The following CD36 variants were observed in gnomAD, a reference collection of about 807,000 sequenced individuals.
CD36 encodes the protein platelet glycoprotein 4.
Under a neutral mutation model 55.2 loss-of-function variants are expected in CD36, and 119 were observed. The observed-to-expected ratio is 2.15, with a 90% CI of 1.86 to 2.51. CD36 has a LOEUF of 2.51. Ranked by LOEUF, CD36 falls within the 30% of genes most tolerant of loss-of-function variation. The pLI is 0.00. For missense variants in CD36, 819 were observed against 555.5 expected, an observed-to-expected ratio of 1.47 and a Z score of -4.77; for synonymous variants, 186 against 193.6, an observed-to-expected ratio of 0.96 and a Z score of 0.33.
At chr7:80,672,106 A>G in intron 11 of CD36, 66 bp downstream of exon 11, 1 of 1,235,972 alleles carries the variant, frequency 8.1e-7, no homozygotes, top group South Asian at 1.3e-5. Context: ...AATAAAAATA[A>G]TCTTGTCGAT....
intron 1 of CD36, among the ~76,000 whole-genome samples, chr7:80,603,155 G>T (rs12531218): frequency 1.3e-5 from 2 of 151,964 alleles, no homozygotes; most frequent in Middle Eastern, 3.2e-3. Flanking sequence ...AGACAACACC[G>T]CCAGGAATGA....
chr7:80,605,770 T>A (rs973426237), intron 1 of CD36, among the ~76,000 whole-genome samples: 1 of 152,168 alleles, frequency 6.6e-6, no homozygotes, highest in Non-Finnish European at 1.5e-5. Flanking sequence ...TTTATCTTGG[T>A]CTCCTGGGAA....
At chr7:80,658,857 T>G (rs995560700) in intron 4 of CD36, among the ~76,000 whole-genome samples, 2 of 152,198 alleles carry the variant, frequency 1.3e-5, no homozygotes, top group African/African-American at 4.8e-5. Context: ...GAAATAGTTC[T>G]CCTCTGGTAG....
At chr7:80,667,802 T>C (rs991274795) in intron 8 of CD36, among the ~76,000 whole-genome samples, 1 of 135,248 alleles carries the variant, frequency 7.4e-6, no homozygotes, top group Non-Finnish European at 1.5e-5. Flanking sequence ...CAGGCTGGAG[T>C]GCAGTGGTGC....
chr7:80,656,215 T>C (rs1796045625), intron 3 of CD36, among the ~76,000 whole-genome samples: 1 of 152,180 alleles, frequency 6.6e-6, no homozygotes, highest in Non-Finnish European at 1.5e-5. Flanking sequence ...ATTTGCTTAA[T>C]AAATTATGTT....
At chr7:80,644,623 T>C (rs1795025121) in intron 1 of CD36, among the ~76,000 whole-genome samples, 1 of 152,216 alleles carries the variant, frequency 6.6e-6, no homozygotes, top group Admixed American at 6.5e-5. Context: ...AAAAACTATA[T>C]GATTACTAAA....
chr7:80,634,910 G>A (rs1020299486), upstream of CD36, among the ~76,000 whole-genome samples: 7 of 151,292 alleles, frequency 4.6e-5, no homozygotes, highest in African/African-American at 1.5e-4. Context: ...ATTTCTGTAA[G>A]TTACACATAC....
intron 14 of CD36, among the ~76,000 whole-genome samples, chr7:80,675,018 G>C (rs3211959): frequency 6.6e-6 from 1 of 152,134 alleles, no homozygotes; most frequent in African/African-American, 2.4e-5. Context: ...TTAATTGTTT[G>C]TGACCAAAGC....
At chr7:80,667,181 A>C (rs1797170378) in intron 8 of CD36, among the ~76,000 whole-genome samples, 1 of 152,168 alleles carries the variant, frequency 6.6e-6, no homozygotes, top group Admixed American at 6.5e-5. Context: ...TAATCCCAGC[A>C]CTTTGGGAGA....
intron 10 of CD36, among the ~76,000 whole-genome samples, chr7:80,671,474 C>A (rs1275407697): frequency 6.6e-6 from 1 of 152,008 alleles, no homozygotes; most frequent in Non-Finnish European, 1.5e-5. Flanking sequence ...CTTGTGGCTG[C>A]TTTTAGATTT....
intron 7 of CD36, among the ~76,000 whole-genome samples, chr7:80,664,839 A>G (rs1166422268): frequency 9.3e-6 from 1 of 107,298 alleles, no homozygotes; most frequent in Non-Finnish European, 2.1e-5. Flanking sequence ...TTAGATAACC[A>G]TAAATGAAAA....
chr7:80,646,784 T>C lies in CD36; in HGVS notation c.44T>C (p.Ile15Thr), dbSNP rs778587030. The C allele has an allele frequency of 3.5e-5, 57 of 1,613,944 alleles. No individual in the cohort carries two copies. The highest frequency in any genetic ancestry group is 4.6e-5 in the Non-Finnish European group (54 of 1,179,952). Reference sequence around the variant, plus strand: ...TGTGGGCTCATCGCTGGGGCTGTCATTGGTGCTGTCCTGGCTGTGTTTGGA... The same window carrying C: ...TGTGGGCTCATCGCTGGGGCTGTCACTGGTGCTGTCCTGGCTGTGTTTGGA... ...RNCGLIAGAV[I>T]GAVLAVFGGI... Residue 15 changes from isoleucine (I) to threonine (T), a missense_variant, in exon 3 of 15, where the codon ATT becomes ACT. Physicochemically the swap from Ile to Thr is moderately conservative, Grantham distance 89. Coordinates refer to ENST00000447544, the MANE Select transcript of CD36 (RefSeq NM_001001548.3).
chr7:80,676,745 T>A lies in CD36; in HGVS notation c.*362T>A, dbSNP rs1798178235. The A allele has an allele frequency of 6.6e-6, 1 of 152,158 alleles. No individual in the cohort carries two copies. The highest frequency in any genetic ancestry group is 6.6e-5 in the Admixed American group (1 of 15,264). 9.4% of individuals were successfully genotyped at this position (152,158 alleles called of 1,614,324 possible). On this transcript the variant is annotated 3_prime_UTR_variant, in exon 15 of 15. Transcript: ENST00000447544. Reference sequence around the variant, plus strand: ...GGACATCATTTTAGCACACTAGCGGTTTATATTTTAAGGACCTTCATTCTC... The same window carrying A: ...GGACATCATTTTAGCACACTAGCGGATTATATTTTAAGGACCTTCATTCTC...
At chr7:80,640,813 A>C (rs571537526) in intron 1 of CD36, among the ~76,000 whole-genome samples, 2 of 152,086 alleles carry the variant, frequency 1.3e-5, no homozygotes, top group Non-Finnish European at 2.9e-5. Flanking sequence ...CAATGTATTT[A>C]TTGCATTAGT....
chr7:80,674,144 ATAAG>A lies in CD36; in HGVS notation c.*4_*7del. The A allele has an allele frequency of 0.014, 22,542 of 1,606,250 alleles. 207 individuals are homozygous for A. The highest frequency in any genetic ancestry group is 0.016 in the African/African-American group (1,169 of 74,842). ...GTGCATGCAGATCGAAAACAATAAAATAAGTAAGTATGTACCAAAAAATATTGCT... is the reference window on the plus strand; with the variant it reads ...GTGCATGCAGATCGAAAACAATAAAATAAGTATGTACCAAAAAATATTGCT... On this transcript the variant is annotated splice_donor_variant and coding_sequence_variant and 3_prime_UTR_variant, in exon 14 of 15. Transcript: ENST00000447544. LOFTEE classifies it high-confidence loss of function.
At chr7:80,604,939 C>T (rs1311501187) in intron 1 of CD36, among the ~76,000 whole-genome samples, 2 of 151,898 alleles carry the variant, frequency 1.3e-5, no homozygotes, top group African/African-American at 2.4e-5. Flanking sequence ...TCCTTTGGTC[C>T]CATGTTGGAA....
chr7:80,644,504 A>G (rs1795017883), intron 1 of CD36, among the ~76,000 whole-genome samples: 2 of 152,232 alleles, frequency 1.3e-5, no homozygotes, highest in Non-Finnish European at 2.9e-5. Context: ...AAGGGAACAT[A>G]TGTAAATAAT....
chr7:80,660,930 A>G, intron 4 of CD36, 133 bp from the exon 5 acceptor site: 1 of 737,156 alleles, frequency 1.4e-6, no homozygotes, highest in Non-Finnish European at 2.4e-6. Context: ...TCTCATTTTA[A>G]CACCATTGCT....
At chr7:80,656,961 T>G (rs1796139021) in intron 4 of CD36, among the ~76,000 whole-genome samples, 1 of 152,186 alleles carries the variant, frequency 6.6e-6, no homozygotes, top group African/African-American at 2.4e-5. Flanking sequence ...AAACAGATTT[T>G]ATTATAAACT....
Sources: allele counts gnomAD v4.1 joint callset (sites outside exome capture counted in the v4.1 genomes callset), GRCh38; gene constraint gnomAD v4.1.1; transcripts MANE v1.5; gene names NCBI Gene and HGNC (gene_info 2026-07-23, HGNC 2026-07-21).